Variants in SF3B3 observed in about 807,000 individuals in gnomAD.
SF3B3 encodes the protein splicing factor 3b subunit 3.
A neutral mutation model predicts 139.2 loss-of-function variants in SF3B3; 33 were observed. That is an observed-to-expected ratio of 0.24 (90% CI 0.18 to 0.32). The LOEUF is 0.32. Ranked by LOEUF, SF3B3 falls within the 10% of genes least tolerant of loss-of-function variation. SF3B3 has a pLI of 1.00. For missense variants in SF3B3, 818 were observed against 1,509.4 expected, an observed-to-expected ratio of 0.54 and a Z score of 7.59; for synonymous variants, 596 against 563.6, an observed-to-expected ratio of 1.06 and a Z score of -0.81.
chr16:70,569,983 A>C (rs942099657), intron 23 of SF3B3, 23 bp from the exon 24 acceptor site: 11 of 1,613,660 alleles, frequency 6.8e-6, no homozygotes, highest in Non-Finnish European at 9.3e-6. Context: ...GCACACAGTC[A>C]CTAGTCTGTT....
chr16:70,529,230 C>G (rs182880719), intron 3 of SF3B3, 31 bp downstream of exon 3: 44 of 1,553,708 alleles, frequency 2.8e-5, no homozygotes, highest in Non-Finnish European at 3.5e-5. Flanking sequence ...GCTGTATATG[C>G]CTAGTTTAGG....
rs147624246 is a variant in SF3B3, at chr16:70,547,889, C to T, written c.1330-481C>T. ...TCAGGTGTGAGCCACTGGGCCCAGC[C>T]GGTGGTGACTGATTTCTATGAGTGC... On this transcript the variant is annotated intron_variant, in intron 10 of 25. Coordinates refer to ENST00000302516, the MANE Select transcript of SF3B3 (RefSeq NM_012426.5). Among the ~76,000 whole-genome samples the T allele has an allele frequency of 2.3e-3, 357 of 152,102 alleles. 1 individual carries two copies. The highest frequency in any genetic ancestry group is 4.0e-3 in the Non-Finnish European group (272 of 67,974).
chr16:70,546,327 A>T (rs750649475), intron 10 of SF3B3, among the ~76,000 whole-genome samples: 1 of 152,228 alleles, frequency 6.6e-6, no homozygotes, highest in African/African-American at 2.4e-5. Context: ...CCTAGTGAGC[A>T]TATGATGAAA....
At chr16:70,569,227 A>T in intron 23 of SF3B3, 86 bp downstream of exon 23, 1 of 901,570 alleles carries the variant, frequency 1.1e-6, no homozygotes. Context: ...TTGGTGAATT[A>T]TTCATAGTGC....
intron 8 of SF3B3, among the ~76,000 whole-genome samples, chr16:70,540,119 G>C (rs1328293137): frequency 6.7e-6 from 1 of 150,016 alleles, no homozygotes; most frequent in Non-Finnish European, 1.5e-5. Context: ...AAATGGCCAG[G>C]CGCGGTGGCT....
intron 10 of SF3B3, among the ~76,000 whole-genome samples, chr16:70,547,213 T>TC (rs2050277430): frequency 6.6e-6 from 1 of 152,178 alleles, no homozygotes; most frequent in Admixed American, 6.5e-5. Flanking sequence ...TCTTAGGTCT[T>TC]CCTTCTAATT....
intron 22 of SF3B3, 22 bp from the exon 23 acceptor site, chr16:70,569,020 TG>T: frequency 6.4e-7 from 1 of 1,570,282 alleles, no homozygotes; most frequent in Non-Finnish European, 8.7e-7. Flanking sequence ...CCCAGCAGTG[TG>T]ACTTGTGTCA....
intron 15 of SF3B3, among the ~76,000 whole-genome samples, chr16:70,557,619 C>T (rs540541934): frequency 3.7e-4 from 56 of 152,266 alleles, no homozygotes; most frequent in African/African-American, 1.3e-3. Context: ...ATACAGTGAA[C>T]TTCCATGTAC....
chr16:70,548,594 C>T (rs541899041), intron 11 of SF3B3, 152 bp downstream of exon 11: 22 of 623,556 alleles, frequency 3.5e-5, no homozygotes, highest in Non-Finnish European at 4.8e-5. Flanking sequence ...GAGGCTCTTC[C>T]GTTCAGGATG....
At chr16:70,556,800 C>T in intron 14 of SF3B3, 86 bp from the exon 15 acceptor site, 2 of 1,500,548 alleles carry the variant, frequency 1.3e-6, no homozygotes, top group Non-Finnish European at 1.8e-6. Flanking sequence ...AGTACTTTTT[C>T]AATCCTAGAA....
chr16:70,548,957 G>T (rs762417558), intron 11 of SF3B3, among the ~76,000 whole-genome samples: 1 of 152,300 alleles, frequency 6.6e-6, no homozygotes, highest in South Asian at 2.1e-4. Context: ...GAAAAGCGGG[G>T]ATGGGGAAGG....
chr16:70,539,512 C>T (rs1347063517), intron 8 of SF3B3, among the ~76,000 whole-genome samples: 2 of 151,816 alleles, frequency 1.3e-5, no homozygotes, highest in African/African-American at 4.8e-5. Flanking sequence ...CACGCCACTG[C>T]ACTCCAGCCT....
chr16:70,566,398 A>G (rs976116994), intron 20 of SF3B3, among the ~76,000 whole-genome samples: 22 of 152,134 alleles, frequency 1.4e-4, no homozygotes, highest in African/African-American at 4.6e-4. Flanking sequence ...TCCCATCTCT[A>G]TTAAAAATAA....
chr16:70,555,845 A>G (rs1597719045), intron 13 of SF3B3, among the ~76,000 whole-genome samples: 1 of 152,192 alleles, frequency 6.6e-6, no homozygotes, highest in East Asian at 1.9e-4. Context: ...TTCACCCAGA[A>G]TATTCTTGTA....
intron 2 of SF3B3, among the ~76,000 whole-genome samples, chr16:70,528,162 CTTTTTTTTTTTTTT>C (rs760087242): frequency 1.4e-4 from 17 of 122,340 alleles, no homozygotes; most frequent in Admixed American, 1.4e-3. Flanking sequence ...GAGAAGTTTT[CTTTTTTTTTTTTTT>C]TTTTTTGAGA....
chr16:70,572,901 C>A lies in SF3B3; in HGVS notation c.*1088C>A, dbSNP rs1313667719. ...AGTTGTGTGGGAAGCCCTCGTCTTC[C>A]AGGCTGTCCTTGCGCCTTGAACCTG... On this transcript the variant is annotated 3_prime_UTR_variant, in exon 26 of 26. Transcript: ENST00000302516. 1.1e-4 allele frequency: 16 copies of A among 152,222 alleles called. No individual in the cohort carries two copies. Among genetic ancestry groups the A allele is most frequent in the Admixed American group, 1.0e-3 (16 of 15,280 alleles). 9.4% of individuals were successfully genotyped at this position (152,222 alleles called of 1,614,324 possible).
intron 6 of SF3B3, among the ~76,000 whole-genome samples, chr16:70,536,875 A>G (rs184708923): frequency 1.3e-5 from 2 of 148,194 alleles, no homozygotes; most frequent in Non-Finnish European, 3.0e-5. Context: ...CAGTGGCGCA[A>G]TCTTGGCTCA....
At chr16:70,561,576 T>A in intron 16 of SF3B3, 54 bp from the exon 17 acceptor site, 3 of 1,539,504 alleles carry the variant, frequency 1.9e-6, no homozygotes, top group Non-Finnish European at 1.8e-6. Context: ...GCTTATACCA[T>A]ATTTGTATTT....
rs1181596045 is a variant in SF3B3 at position 70,557,157 on chromosome 16, GTC to G, written c.2010+129_2010+130del. The G allele has an allele frequency of 2.0e-5, 19 of 942,330 alleles. No homozygotes were observed. The East Asian group carries it at 5.3e-4, about 26-fold the overall frequency. The allele number at this position is 942,330 out of a possible 1,614,324, so 58.4% of individuals were successfully genotyped here. On this transcript the variant is annotated intron_variant, in intron 15 of 25. Transcript: ENST00000302516. ...CCTCACCTTATGAAAAGTGAACAGT[GTC>G]ACTCTGGGTTCCACTTTTCTCAGCT...
Sources: gnomAD v4.1 joint callset for allele counts (sites outside exome capture counted in the v4.1 genomes callset) on GRCh38, gnomAD v4.1.1 for gene constraint, MANE v1.5 for transcripts, NCBI Gene and HGNC (gene_info 2026-07-23, HGNC 2026-07-21) for gene names.